GRM7: variants seen among roughly 807,000 people sequenced by gnomAD.
GRM7 encodes the protein glutamate metabotropic receptor 7.
GRM7 carries 35 observed loss-of-function variants against 84.5 expected under a neutral mutation model. The ratio of observed to expected loss-of-function variants is 0.41; its 90% CI spans 0.32 to 0.55. The LOEUF (loss-of-function observed/expected upper bound fraction) is 0.55, where lower values mean the gene tolerates loss of function less well. GRM7 is among the 20% of genes least tolerant of loss of function. The pLI is 0.19. For synonymous variants in GRM7, 487 were observed against 455.1 expected (o/e 1.07, Z -0.89); for missense variants, 1,003 against 1,194.6 (o/e 0.84, Z 2.36).
chr3:7,683,427 AT>A (rs1179820796), intron 9 of GRM7, among the ~76,000 whole-genome samples: 1 of 152,192 alleles, frequency 6.6e-6, no homozygotes, highest in East Asian at 1.9e-4. Flanking sequence ...AGCTGGAAAG[AT>A]TTTTTTAAAT....
chr3:7,379,900 C>T (rs1211812023), intron 4 of GRM7, among the ~76,000 whole-genome samples: 1 of 152,280 alleles, frequency 6.6e-6, no homozygotes, highest in Non-Finnish European at 1.5e-5. Flanking sequence ...AGGGTCATCT[C>T]AAACTCTGCC....
chr3:7,551,335 G>A (rs1322076700), intron 7 of GRM7, among the ~76,000 whole-genome samples: 1 of 152,090 alleles, frequency 6.6e-6, no homozygotes, highest in East Asian at 1.9e-4. Flanking sequence ...CAACCTACAG[G>A]TTGTACAGCA....
chr3:7,050,636 A>G (rs1559406982), intron 1 of GRM7, among the ~76,000 whole-genome samples: 1 of 151,818 alleles, frequency 6.6e-6, no homozygotes, highest in Non-Finnish European at 1.5e-5. Context: ...AAATTAAACC[A>G]TAATCTACAC....
At chr3:7,667,682 G>GAC (rs2125129511) in intron 8 of GRM7, among the ~76,000 whole-genome samples, 2 of 152,090 alleles carry the variant, frequency 1.3e-5, no homozygotes, top group Non-Finnish European at 2.9e-5. Flanking sequence ...GTTGTGGAAA[G>GAC]ACAGCAATTT....
intron 1 of GRM7, among the ~76,000 whole-genome samples, chr3:7,040,639 A>G (rs1559400939): frequency 6.6e-6 from 1 of 151,732 alleles, no homozygotes; most frequent in Non-Finnish European, 1.5e-5. Context: ...GCCTACTCCT[A>G]TTGTCTAGGA....
At chr3:7,204,459 T>C (rs1696167345) in intron 2 of GRM7, among the ~76,000 whole-genome samples, 2 of 152,314 alleles carry the variant, frequency 1.3e-5, no homozygotes, top group South Asian at 4.1e-4. Context: ...TGTCATGAAA[T>C]CTATTGGCTT....
intron 1 of GRM7, among the ~76,000 whole-genome samples, chr3:7,044,377 A>G (rs1013785228): frequency 6.6e-6 from 1 of 152,228 alleles, no homozygotes; most frequent in Non-Finnish European, 1.5e-5. Flanking sequence ...GAAAATGCTA[A>G]TGGAATTGTT....
At chr3:7,297,089 G>A (rs75618003) in intron 2 of GRM7, among the ~76,000 whole-genome samples, 15,420 of 151,788 alleles carry the variant, frequency 0.1, 1,058 homozygotes, top group Non-Finnish European at 0.16. Flanking sequence ...GAATGTTTAC[G>A]TTGCTGATTT....
chr3:7,220,708 T>C (rs542960956), intron 2 of GRM7, among the ~76,000 whole-genome samples: 170 of 152,324 alleles, frequency 1.1e-3, no homozygotes, highest in African/African-American at 3.8e-3. Flanking sequence ...TGTTAGATGT[T>C]AATAGTAGGG....
chr3:7,369,292 G>A (rs1223448864), intron 4 of GRM7, among the ~76,000 whole-genome samples: 2 of 152,028 alleles, frequency 1.3e-5, no homozygotes, highest in African/African-American at 4.8e-5. Context: ...GGCCTCAAGC[G>A]ATCCTAAAGA....
At chr3:7,355,026 T>A (rs1226118189) in intron 4 of GRM7, among the ~76,000 whole-genome samples, 2 of 152,152 alleles carry the variant, frequency 1.3e-5, no homozygotes, top group Non-Finnish European at 2.9e-5. Context: ...TGACTGGACC[T>A]AGTGAGTAAG....
rs553842151 is a variant in GRM7, at chr3:7,538,794, C to G, written c.1516-39628C>G. On this transcript the variant is annotated intron_variant, in intron 7 of 9. Transcript: ENST00000357716. Reference sequence around the variant, plus strand: ...CATATTGGCTGTTTCGCAGGTGCAACCTATCATGGATCTTGTTATTTCTGT... The same window carrying G: ...CATATTGGCTGTTTCGCAGGTGCAAGCTATCATGGATCTTGTTATTTCTGT... Among the ~76,000 whole-genome samples the G allele has an allele frequency of 2.6e-5, 4 of 152,212 alleles. No individual in the cohort carries two copies. In the South Asian group the frequency reaches 8.3e-4, roughly 32 times the overall value.
At chr3:7,688,650 T>G (rs2125148781) in intron 9 of GRM7, among the ~76,000 whole-genome samples, 1 of 152,270 alleles carries the variant, frequency 6.6e-6, no homozygotes, top group East Asian at 1.9e-4. Flanking sequence ...AGAAGTCTCT[T>G]AAGGTTATGC....
At position 7,491,203 on chromosome 3, in the gene GRM7, A is replaced by C. The variant is rs367753035; in HGVS notation, c.1515+29481A>C. ...AATTATTTGCTTATATTAGGTATTC[A>C]GTTAAAATGTATCAAATGAGCAAAA... On this transcript the variant is annotated intron_variant, in intron 7 of 9. Coordinates refer to ENST00000357716, the MANE Select transcript of GRM7 (RefSeq NM_000844.4). Among the ~76,000 whole-genome samples the C allele has an allele frequency of 8.9e-4, 136 of 152,112 alleles. 2 individuals carry two copies. In the South Asian group the frequency reaches 0.024, roughly 26 times the overall value.
At chr3:7,033,015 T>C (rs1696243545) in intron 1 of GRM7, among the ~76,000 whole-genome samples, 1 of 152,168 alleles carries the variant, frequency 6.6e-6, no homozygotes. Flanking sequence ...AAGTCTGAAA[T>C]CAAGGCATCA....
chr3:7,570,501 A>G (rs962776719), intron 7 of GRM7, among the ~76,000 whole-genome samples: 2 of 152,220 alleles, frequency 1.3e-5, no homozygotes, highest in South Asian at 2.1e-4. Flanking sequence ...TTAAGCTCCA[A>G]AATGAGCTCC....
chr3:6,938,179 T>A (rs1697755126), intron 1 of GRM7, among the ~76,000 whole-genome samples: 1 of 152,238 alleles, frequency 6.6e-6, no homozygotes, highest in Non-Finnish European at 1.5e-5. Context: ...AATGATTAGA[T>A]TGTTCCCCTT....
chr3:7,617,511 C>CTAAGTAAAACAATAAT (rs1490714875), intron 8 of GRM7, among the ~76,000 whole-genome samples: 46 of 152,098 alleles, frequency 3.0e-4, no homozygotes, highest in African/African-American at 1.1e-3. Flanking sequence ...ATCAGAAGAA[C>CTAAGTAAAACAATAAT]TTTCTAAGTA....
At chr3:7,183,434 C>T (rs570190948) in intron 2 of GRM7, among the ~76,000 whole-genome samples, 3 of 152,094 alleles carry the variant, frequency 2.0e-5, no homozygotes, top group South Asian at 2.1e-4. Context: ...CAAGACCAGC[C>T]GGGCTAATGT....
Sources: gnomAD v4.1 joint callset for allele counts (sites outside exome capture counted in the v4.1 genomes callset) on GRCh38, gnomAD v4.1.1 for gene constraint, MANE v1.5 for transcripts, NCBI Gene and HGNC (gene_info 2026-07-23, HGNC 2026-07-21) for gene names.